IFNGR2: variants seen among roughly 807,000 people sequenced by gnomAD.
IFNGR2 encodes IFN-gamma receptor 2.
A neutral mutation model predicts 41.1 loss-of-function variants in IFNGR2; 15 were observed. The ratio of observed to expected loss-of-function variants is 0.37; its 90% CI spans 0.24 to 0.56. The LOEUF is 0.56. Ranked by LOEUF, IFNGR2 falls within the 20% of genes least tolerant of loss-of-function variation. The pLI is 0.81. For missense variants in IFNGR2, 362 were observed against 415.7 expected, an observed-to-expected ratio of 0.87 and a Z score of 1.12; for synonymous variants, 161 against 171.6, an observed-to-expected ratio of 0.94 and a Z score of 0.48.
chr21:33,436,662 C>CAG (rs1432289857), intron 6 of IFNGR2, among the ~76,000 whole-genome samples, 166 bp from the exon 7 acceptor site: 1 of 151,190 alleles, frequency 6.6e-6, no homozygotes, highest in Non-Finnish European at 1.5e-5. Context: ...GCAGAGGTTG[C>CAG]AGTGAGCTGA....
chr21:33,415,105 C>T, intron 2 of IFNGR2, 85 bp downstream of exon 2: 3 of 1,472,186 alleles, frequency 2.0e-6, no homozygotes, highest in Non-Finnish European at 2.8e-6. Flanking sequence ...GTCCCTGCCT[C>T]TGTGCAGGGT....
intron 1 of IFNGR2, among the ~76,000 whole-genome samples, chr21:33,413,394 A>G (rs1471178226): frequency 2.0e-5 from 3 of 152,138 alleles, no homozygotes; most frequent in Non-Finnish European, 4.4e-5. Context: ...CTATAACTAA[A>G]CAAATGGCCG....
Position 33,431,308 on chromosome 21 carries a change from G to A in IFNGR2, c.562-869G>A, listed in dbSNP as rs956076154. ...ATGTTGGCCAGGCGCGGTGGCTCAC[G>A]CCTATAATCCCAGCACTTTGGGAGG... On this transcript the variant is annotated intron_variant, in intron 4 of 6. Transcript: ENST00000290219. Among the ~76,000 whole-genome samples, 16 of 151,938 alleles carry A rather than the reference G, an allele frequency of 1.1e-4. 1 individual carries two copies. The highest frequency in any genetic ancestry group is 1.9e-4 in the East Asian group (1 of 5,140).
intron 3 of IFNGR2, among the ~76,000 whole-genome samples, chr21:33,422,965 T>C (rs138027157): frequency 3.9e-4 from 55 of 140,314 alleles, no homozygotes; most frequent in Non-Finnish European, 7.4e-4. Flanking sequence ...AGAAACAAAA[T>C]TGGCCATAAG....
rs1475376636 is a variant in IFNGR2 at position 33,403,616 on chromosome 21, G to C, written c.73G>C (p.Asp25His). 4.4e-6 allele frequency: 6 copies of C among 1,359,846 alleles called. No individual in the cohort carries two copies. The highest frequency in any genetic ancestry group is 5.7e-6 in the Non-Finnish European group (6 of 1,054,710). The allele number at this position is 1,359,846 out of a possible 1,614,324, so 84.2% of individuals were successfully genotyped here. ...VFAAAAAAPPDPLSQLPAPQH... is the reference protein window; with the variant it reads ...VFAAAAAAPPHPLSQLPAPQH... ...CGCCGCCGCCGCCGCGGCCCCGCCA[G>C]GTGAGCCGGGCCTGGGCCTCCGCGG... Residue 25 changes from aspartate to histidine, a missense_variant and splice_region_variant, in exon 1 of 7, where the codon GAC becomes CAC. Transcript: ENST00000290219.
intron 3 of IFNGR2, 37 bp from the exon 4 acceptor site, chr21:33,426,847 G>GT (rs1568959781): frequency 6.5e-7 from 1 of 1,546,982 alleles, no homozygotes; most frequent in South Asian, 1.1e-5. Flanking sequence ...ATACATATGT[G>GT]TATGTGTGTG....
intron 2 of IFNGR2, 64 bp from the exon 3 acceptor site, chr21:33,421,416 C>G: frequency 7.7e-7 from 1 of 1,298,980 alleles, no homozygotes; most frequent in Non-Finnish European, 1.1e-6. Context: ...AACAAAAGCT[C>G]TGGGGAAACT....
chr21:33,418,990 A>T (rs1179620503), intron 2 of IFNGR2, among the ~76,000 whole-genome samples: 3 of 152,194 alleles, frequency 2.0e-5, no homozygotes, highest in East Asian at 1.9e-4. Flanking sequence ...ATAGCAATCC[A>T]TGTTCTTTAT....
chr21:33,415,081 G>A (rs2123339571), intron 2 of IFNGR2, 61 bp downstream of exon 2: 2 of 1,589,832 alleles, frequency 1.3e-6, no homozygotes, highest in East Asian at 2.2e-5. Flanking sequence ...GCGGAACCCT[G>A]GGGCCACATA....
At chr21:33,432,416 G>GCCTA in intron 5 of IFNGR2, 80 bp downstream of exon 5, 1 of 1,350,728 alleles carries the variant, frequency 7.4e-7, no homozygotes. Flanking sequence ...ATGCTTATGA[G>GCCTA]GTCATGGGTG....
At chr21:33,404,228 C>A (rs1211423671) in intron 1 of IFNGR2, among the ~76,000 whole-genome samples, 1 of 152,256 alleles carries the variant, frequency 6.6e-6, no homozygotes, top group African/African-American at 2.4e-5. Flanking sequence ...TTTGTAGTAG[C>A]AGCGGTGGAG....
intron 3 of IFNGR2, among the ~76,000 whole-genome samples, chr21:33,426,447 G>T (rs536320970): frequency 6.6e-6 from 1 of 151,814 alleles, no homozygotes; most frequent in South Asian, 2.1e-4. Flanking sequence ...GGCCAGGCGC[G>T]GTGGCTCACA....
chr21:33,408,402 G>T (rs1271894138), intron 1 of IFNGR2, among the ~76,000 whole-genome samples: 2 of 152,064 alleles, frequency 1.3e-5, no homozygotes, highest in Non-Finnish European at 2.9e-5. Flanking sequence ...CACCACGTTG[G>T]TCAGGCTGGT....
At chr21:33,410,440 C>T (rs1215894863) in intron 1 of IFNGR2, among the ~76,000 whole-genome samples, 1 of 151,408 alleles carries the variant, frequency 6.6e-6, no homozygotes, top group Admixed American at 6.6e-5. Context: ...GCTGAGATTA[C>T]AGGCGTGAGC....
intron 2 of IFNGR2, among the ~76,000 whole-genome samples, chr21:33,418,295 G>T (rs997992292): frequency 4.6e-5 from 7 of 152,130 alleles, no homozygotes; most frequent in African/African-American, 1.7e-4. Context: ...GACCTCAGGT[G>T]ATCCGCCCAC....
intron 1 of IFNGR2, among the ~76,000 whole-genome samples, chr21:33,413,062 G>A (rs2083728199): frequency 1.3e-5 from 2 of 152,178 alleles, no homozygotes; most frequent in Admixed American, 1.3e-4. Flanking sequence ...TGTGAAGGCA[G>A]CATTGTGGAA....
At chr21:33,414,339 T>C (rs1233940503) in intron 1 of IFNGR2, among the ~76,000 whole-genome samples, 1 of 135,900 alleles carries the variant, frequency 7.4e-6, no homozygotes, top group Admixed American at 7.5e-5. Context: ...CGTACCTGAT[T>C]TAGGATGTTT....
intron 1 of IFNGR2, among the ~76,000 whole-genome samples, chr21:33,410,034 T>C (rs1445425290): frequency 1.3e-5 from 2 of 152,176 alleles, no homozygotes; most frequent in African/African-American, 4.8e-5. Flanking sequence ...TGGGCGAACA[T>C]ACCAGTAAGT....
At chr21:33,431,178 C>T (rs770342399) in intron 4 of IFNGR2, among the ~76,000 whole-genome samples, 86 of 152,290 alleles carry the variant, frequency 5.6e-4, no homozygotes, top group South Asian at 1.0e-3. Flanking sequence ...AAGCACATTT[C>T]GGTCAAACTA....
Sources: allele counts gnomAD v4.1 joint callset (sites outside exome capture counted in the v4.1 genomes callset), GRCh38; gene constraint gnomAD v4.1.1; transcripts MANE v1.5; gene names NCBI Gene and HGNC (gene_info 2026-07-23, HGNC 2026-07-21).